The following SDK1 variants were observed in gnomAD, a reference collection of about 807,000 sequenced individuals.
SDK1 encodes sidekick cell adhesion molecule 1.
Under a neutral mutation model 245.5 loss-of-function variants are expected in SDK1, and 157 were observed. The ratio of observed to expected loss-of-function variants is 0.64; its 90% CI spans 0.56 to 0.73. The LOEUF is 0.73. SDK1 is among the 30% of genes least tolerant of loss of function. SDK1 has a pLI of 0.00. For missense variants in SDK1, 3,583 were observed against 3,002.3 expected (o/e 1.19, Z -4.52); for synonymous variants, 1,647 against 1,278.5 (o/e 1.29, Z -6.15).
At chr7:3,778,215 A>G (rs1780621406) in intron 4 of SDK1, among the ~76,000 whole-genome samples, 1 of 152,066 alleles carries the variant, frequency 6.6e-6, no homozygotes, top group Non-Finnish European at 1.5e-5. Flanking sequence ...TTAAGAAAGA[A>G]GTTTCATTTG....
In SDK1 at chr7:4,026,566, G is replaced by A. The variant is rs1249111606; in HGVS notation, c.2602+9214G>A. ...CCCCAAATGCTTCTCTTCAATGCCT[G>A]GCAAGTAAAGATTTGGAAAAAAAAA... On this transcript the variant is annotated intron_variant, in intron 17 of 44. Transcript: ENST00000404826. The surrounding 1 kb of genome is among the most constrained non-coding windows in gnomAD (Gnocchi z 4.1). Among the ~76,000 whole-genome samples the A allele has an allele frequency of 6.6e-6, 1 of 152,020 alleles. No homozygotes were observed.
At chr7:3,889,626 G>A (rs1781411122) in intron 5 of SDK1, among the ~76,000 whole-genome samples, 1 of 152,070 alleles carries the variant, frequency 6.6e-6, no homozygotes, top group Admixed American at 6.5e-5. Context: ...TCCTGCCTCA[G>A]CCTCCCAAGT....
At chr7:4,083,700 C>T (rs138301705) in intron 22 of SDK1, among the ~76,000 whole-genome samples, 3 of 97,134 alleles carry the variant, frequency 3.1e-5, no homozygotes, top group African/African-American at 4.5e-5. Flanking sequence ...TTCCCTCCCT[C>T]CTTTACTTCC....
chr7:4,027,250 A>G (rs975579818), intron 17 of SDK1, among the ~76,000 whole-genome samples: 4 of 152,162 alleles, frequency 2.6e-5, no homozygotes, highest in African/African-American at 9.7e-5. Flanking sequence ...TGTGTAGAGA[A>G]ACTGAGATTT....
chr7:4,138,177 C>T (rs572630502), intron 28 of SDK1, among the ~76,000 whole-genome samples: 1 of 152,156 alleles, frequency 6.6e-6, no homozygotes, highest in East Asian at 1.9e-4. Context: ...GCAGGGATGC[C>T]GTCGTGCTTT....
chr7:3,504,180 ATATGTG>A (rs1352935627), intron 1 of SDK1, among the ~76,000 whole-genome samples: 2 of 89,438 alleles, frequency 2.2e-5, no homozygotes, highest in African/African-American at 4.3e-5. Flanking sequence ...ATATATATAT[ATATGTG>A]TGTGTGTGTG....
At chr7:3,566,311 C>A (rs376094583) in intron 1 of SDK1, among the ~76,000 whole-genome samples, 6 of 150,684 alleles carry the variant, frequency 4.0e-5, no homozygotes, top group African/African-American at 1.5e-4. Context: ...TGCAAGCTCC[C>A]CCTCCCAGGT....
chr7:3,506,397 C>G (rs1201227430), intron 1 of SDK1, among the ~76,000 whole-genome samples: 1 of 152,064 alleles, frequency 6.6e-6, no homozygotes, highest in Non-Finnish European at 1.5e-5. Flanking sequence ...TTGTTTGCTT[C>G]TATTTATCAC....
Position 4,233,240 on chromosome 7 carries a change from C to T in SDK1, c.5828-15C>T. On this transcript the variant is annotated splice_polypyrimidine_tract_variant and intron_variant, in intron 40 of 44. Transcript: ENST00000404826. ...ACTTCTAACCTCTGCTCTCGCCTCCCCATCCCTCTTGCAGATGAAGGCTTA... is the reference window on the plus strand; with the variant it reads ...ACTTCTAACCTCTGCTCTCGCCTCCTCATCCCTCTTGCAGATGAAGGCTTA... The T allele has an allele frequency of 2.5e-6, 4 of 1,608,438 alleles. No homozygotes were observed. The highest frequency in any genetic ancestry group is 1.3e-5 in the African/African-American group (1 of 74,984).
chr7:4,231,219 A>G (rs974758725), intron 40 of SDK1, among the ~76,000 whole-genome samples: 1 of 152,192 alleles, frequency 6.6e-6, no homozygotes, highest in African/African-American at 2.4e-5. Context: ...CCATTCTGAC[A>G]TTATTAGTGG....
In SDK1 at chr7:3,913,954, T is replaced by A. The variant is rs997254737; in HGVS notation, c.848-36969T>A. On this transcript the variant is annotated intron_variant, in intron 5 of 44. Transcript: ENST00000404826. ...TGATACTAGCGCCAGGGCCCAGGGC[T>A]GACTCTGCTATACCATACTCCCTTC... Among the ~76,000 whole-genome samples, 3 of 152,316 alleles carry A rather than the reference T, an allele frequency of 2.0e-5. No individual in the cohort carries two copies. The East Asian group carries it at 5.8e-4, about 29-fold the overall frequency.
intron 14 of SDK1, among the ~76,000 whole-genome samples, chr7:4,003,824 G>T (rs893711953): frequency 1.3e-5 from 2 of 152,244 alleles, no homozygotes; most frequent in African/African-American, 2.4e-5. Flanking sequence ...ACAGTCTGTT[G>T]TGGTGGAGGG....
intron 5 of SDK1, among the ~76,000 whole-genome samples, chr7:3,837,142 A>AT (rs1159688654): frequency 2.0e-5 from 3 of 152,062 alleles, no homozygotes; most frequent in Non-Finnish European, 4.4e-5. Flanking sequence ...TAACATAGTA[A>AT]TTTTTTTACA....
At chr7:4,003,704 G>A (rs773574173) in intron 14 of SDK1, among the ~76,000 whole-genome samples, 2 of 152,190 alleles carry the variant, frequency 1.3e-5, no homozygotes, top group African/African-American at 2.4e-5. Context: ...TTCCAGACAC[G>A]GGGAATTTAA....
chr7:3,604,133 T>C (rs1781340300), intron 1 of SDK1, among the ~76,000 whole-genome samples: 1 of 152,202 alleles, frequency 6.6e-6, no homozygotes, highest in East Asian at 1.9e-4. Context: ...AGGCTATTGG[T>C]CTAAAATTCT....
chr7:3,408,878 GTATT>G (rs1779122636), intron 1 of SDK1, among the ~76,000 whole-genome samples: 2 of 152,178 alleles, frequency 1.3e-5, no homozygotes, highest in South Asian at 4.1e-4. Flanking sequence ...AAGGCTTGCA[GTATT>G]TATTTAGCAT....
chr7:3,908,381 A>C (rs1583546418), intron 5 of SDK1, among the ~76,000 whole-genome samples: 1 of 152,182 alleles, frequency 6.6e-6, no homozygotes, highest in South Asian at 2.1e-4. Context: ...CTCATTCCCC[A>C]CCACGAACCT....
chr7:3,565,926 C>T (rs896350165), intron 1 of SDK1, among the ~76,000 whole-genome samples: 3 of 152,102 alleles, frequency 2.0e-5, no homozygotes, highest in African/African-American at 4.8e-5. Context: ...ATGAACTGTA[C>T]ATATGATCAA....
intron 1 of SDK1, among the ~76,000 whole-genome samples, chr7:3,419,018 C>A (rs185050484): frequency 6.6e-6 from 1 of 152,302 alleles, no homozygotes; most frequent in East Asian, 1.9e-4. Context: ...AGTCGTAACT[C>A]CTTTTTCCTG....
Sources: gnomAD v4.1 joint callset for allele counts (sites outside exome capture counted in the v4.1 genomes callset) on GRCh38, gnomAD v4.1.1 for gene constraint, Gnocchi (gnomAD v3.1) non-coding constraint, MANE v1.5 for transcripts, NCBI Gene and HGNC (gene_info 2026-07-23, HGNC 2026-07-21) for gene names.